The following DYSF variants were observed in gnomAD, a reference collection of about 807,000 sequenced individuals.
The protein encoded by DYSF is dysferlin, also known as dystrophy-associated fer-1-like 1.
Under a neutral mutation model 274.9 loss-of-function variants are expected in DYSF, and 212 were observed. The ratio of observed to expected loss-of-function variants is 0.77; its 90% confidence interval spans 0.69 to 0.86. The LOEUF is 0.86. Among genes scored for constraint, DYSF ranks in the 40% least tolerant of loss-of-function variants. The pLI is 0.00. For missense variants in DYSF, 2,666 were observed against 2,783.2 expected (o/e 0.96, Z 0.95); for synonymous variants, 1,091 against 1,078.7 (o/e 1.01, Z -0.22).
chr2:71,664,256 C>T lies in DYSF; in HGVS notation c.5004-12C>T. ...CGTGTTGGCTGACATCGGGAATCTG[C>T]CCCTCCTGCAGGATGTTCGAGCTGA... On this transcript the variant is annotated splice_polypyrimidine_tract_variant and intron_variant, in intron 45 of 55. Transcript: ENST00000410020. The T allele has an allele frequency of 1.2e-6, 2 of 1,613,792 alleles. No homozygotes were observed. Among genetic ancestry groups the T allele is most frequent in the Non-Finnish European group, 1.7e-6 (2 of 1,179,814 alleles).
At chr2:71,546,185 G>A (rs2090455170) in intron 17 of DYSF, among the ~76,000 whole-genome samples, 2 of 152,348 alleles carry the variant, frequency 1.3e-5, no homozygotes, top group East Asian at 1.9e-4. Context: ...AAGCCTCCCC[G>A]ACTTGCCTGC....
chr2:71,526,418 T>TGGGGGGGGGGGGGGGGGGGTTG, intron 13 of DYSF, 72 bp downstream of exon 13: 10 of 261,488 alleles, frequency 3.8e-5, no homozygotes, highest in East Asian at 2.8e-4. Context: ...GGGTGGGCGA[T>TGGGGGGGGGGGGGGGGGGGTTG]GGCGGGCGGG....
chr2:71,686,360 C>A, intron 55 of DYSF, 94 bp from the exon 56 acceptor site: 3 of 1,509,016 alleles, frequency 2.0e-6, no homozygotes, highest in Non-Finnish European at 2.8e-6. Context: ...GGCAGCTTAG[C>A]CCCATCCTCT....
exon 1 of DYSF, chr2:71,453,790 G>T (rs571787761): frequency 1.7e-6 from 1 of 604,834 alleles, no homozygotes; most frequent in East Asian, 2.8e-5. Context: ...CGCAGCCGGG[G>T]CGGGGACCCA....
At chr2:71,591,003 T>A (rs2093247925) in intron 32 of DYSF, among the ~76,000 whole-genome samples, 1 of 152,152 alleles carries the variant, frequency 6.6e-6, no homozygotes, top group Non-Finnish European at 1.5e-5. Context: ...CTCCCCTGAT[T>A]TCAAGTATAG....
At chr2:71,667,311 T>G in intron 47 of DYSF, 65 bp from the exon 48 acceptor site, 1 of 1,611,102 alleles carries the variant, frequency 6.2e-7, no homozygotes, top group Non-Finnish European at 8.5e-7. Context: ...GCCTGTTCAC[T>G]GGGCAGCCCC....
At chr2:71,639,887 T>C (rs72904615) in intron 41 of DYSF, among the ~76,000 whole-genome samples, 7,951 of 152,264 alleles carry the variant, frequency 0.052, 705 homozygotes, top group African/African-American at 0.18. Flanking sequence ...TAACCAGGTC[T>C]ATGCAACAAC....
intron 42 of DYSF, among the ~76,000 whole-genome samples, chr2:71,649,086 A>G (rs2094611858): frequency 7.1e-6 from 1 of 140,578 alleles, no homozygotes; most frequent in Admixed American, 7.7e-5. Context: ...GTAGTCAGCT[A>G]TGATTGCACC....
chr2:71,664,582 A>T (rs1211657705), intron 46 of DYSF, 144 bp downstream of exon 46: 1 of 948,990 alleles, frequency 1.1e-6, no homozygotes, highest in Non-Finnish European at 1.6e-6. Flanking sequence ...GTCCAATGGG[A>T]GTCCTATCCC....
Position 71,567,961 on chromosome 2 carries a change from A to G in DYSF, c.2576A>G (p.Glu859Gly). 6.2e-7 allele frequency: 1 copy of G among 1,614,056 alleles called. No individual in the cohort carries two copies. Among genetic ancestry groups the G allele is most frequent in the Non-Finnish European group, 8.5e-7 (1 of 1,180,002 alleles). The part of the protein sequence containing the change: ...LQTIFLKYPM[E>G]KVPGARMPVQ... The stretch of plus-strand genomic sequence containing the variant: ...TTCTCTGGTACCCAGTATCCGATGG[A>G]GAAGGTGCCTGGCGCCCGGATGCCA... The change falls in exon 25 of 56, where the codon GAG (glutamate) becomes GGG (glycine). Residue 859 changes from glutamate to glycine, a missense_variant. Around this residue, in one of 3 missense-constraint regions of DYSF, gnomAD observed 412 missense variants for 504.0 expected, o/e 0.82. Coordinates refer to ENST00000410020, the MANE Select transcript of DYSF (RefSeq NM_001130987.2).
intron 14 of DYSF, 122 bp downstream of exon 14, chr2:71,528,523 G>A: frequency 1.2e-6 from 1 of 821,366 alleles, no homozygotes; most frequent in Non-Finnish European, 2.0e-6. Context: ...CACAAGGAGT[G>A]GCTGATCCTG....
At chr2:71,575,215 T>C (rs1192798809) in intron 30 of DYSF, among the ~76,000 whole-genome samples, 10 of 152,054 alleles carry the variant, frequency 6.6e-5, no homozygotes, top group Non-Finnish European at 4.4e-5. Context: ...TCAGGATCTG[T>C]TGGGCTGGCC....
At chr2:71,480,100 C>T (rs1383109525) in intron 1 of DYSF, among the ~76,000 whole-genome samples, 1 of 152,146 alleles carries the variant, frequency 6.6e-6, no homozygotes, top group Non-Finnish European at 1.5e-5. Flanking sequence ...TTCTCTTAGC[C>T]CCTGGAAACA....
At chr2:71,665,475 A>G (rs1479577262) in intron 47 of DYSF, among the ~76,000 whole-genome samples, 171 bp downstream of exon 47, 1 of 152,072 alleles carries the variant, frequency 6.6e-6, no homozygotes, top group Non-Finnish European at 1.5e-5. Flanking sequence ...TACTTTGAGG[A>G]TCAGTACTGA....
At chr2:71,644,450 G>A (rs914528874) in intron 42 of DYSF, among the ~76,000 whole-genome samples, 3 of 152,158 alleles carry the variant, frequency 2.0e-5, no homozygotes, top group Non-Finnish European at 2.9e-5. Context: ...TTGGAGATGG[G>A]TACGCAGGGA....
intron 30 of DYSF, among the ~76,000 whole-genome samples, chr2:71,574,988 G>T (rs2092652880): frequency 6.6e-6 from 1 of 152,208 alleles, no homozygotes; most frequent in Non-Finnish European, 1.5e-5. Context: ...CTGGCACACA[G>T]CCAGTCCCCA....
intron 5 of DYSF, 94 bp from the exon 6 acceptor site, chr2:71,513,145 GA>G: frequency 8.3e-7 from 1 of 1,208,824 alleles, no homozygotes; most frequent in South Asian, 1.3e-5. Context: ...GGTGGGCGGG[GA>G]AGGCAGGGTT....
At chr2:71,629,077 T>G (rs1357103586) in intron 41 of DYSF, among the ~76,000 whole-genome samples, 1 of 152,240 alleles carries the variant, frequency 6.6e-6, no homozygotes, top group Non-Finnish European at 1.5e-5. Flanking sequence ...TCTCTCATCA[T>G]TTCTGGAACT....
At chr2:71,524,533 TC>T (rs1349962100) in intron 12 of DYSF, among the ~76,000 whole-genome samples, 1 of 152,162 alleles carries the variant, frequency 6.6e-6, no homozygotes, top group African/African-American at 2.4e-5. Flanking sequence ...GCAGCAAGGA[TC>T]CTGAAGCAGG....
Sources: gnomAD v4.1 joint callset for allele counts (sites outside exome capture counted in the v4.1 genomes callset) on GRCh38, gnomAD v4.1.1 for gene constraint, gnomAD v4.1.1 regional missense constraint, MANE v1.5 for transcripts, NCBI Gene and HGNC (gene_info 2026-07-23, HGNC 2026-07-21) for gene names.